The following GCNT2 variants were observed in gnomAD, a reference collection of about 807,000 sequenced individuals.
GCNT2 encodes the protein N-acetyllactosaminide beta-1,6-N-acetylglucosaminyl-transferase.
Under a neutral mutation model 34.2 loss-of-function variants are expected in GCNT2, and 34 were observed. That is an observed-to-expected ratio of 1.00 (90% CI 0.76 to 1.32). GCNT2 has a LOEUF of 1.32. Ranked by LOEUF, GCNT2 falls within the 40% of genes most tolerant of loss-of-function variation. The pLI is 0.00. For synonymous variants in GCNT2, 212 were observed against 188.0 expected (o/e 1.13, Z -1.04); for missense variants, 584 against 489.4 (o/e 1.19, Z -1.82).
At chr6:10,606,699 C>T (rs1011047273) in intron 3 of GCNT2, among the ~76,000 whole-genome samples, 6 of 54,646 alleles carry the variant, frequency 1.1e-4, no homozygotes, top group Non-Finnish European at 1.6e-4. Flanking sequence ...TTTTTAAAAT[C>T]GCCACCTGCC....
At chr6:10,523,989 A>C (rs1278911752) in intron 1 of GCNT2, among the ~76,000 whole-genome samples, 3 of 149,766 alleles carry the variant, frequency 2.0e-5, no homozygotes, top group Non-Finnish European at 3.0e-5. Context: ...AAAAAAAAAA[A>C]AAAACCAAGA....
intron 3 of GCNT2, among the ~76,000 whole-genome samples, chr6:10,569,275 C>CACACACA (rs1491437125): frequency 0.018 from 1,783 of 101,238 alleles, 120 homozygotes; most frequent in Non-Finnish European, 0.027. Context: ...ACACACACAC[C>CACACACA]CCCTAGGTAA....
intron 3 of GCNT2, among the ~76,000 whole-genome samples, chr6:10,596,372 G>A (rs1008497074): frequency 7.2e-5 from 11 of 151,996 alleles, no homozygotes; most frequent in African/African-American, 2.7e-4. Context: ...AATACAAAAA[G>A]TAGCCAGGCG....
intron 3 of GCNT2, among the ~76,000 whole-genome samples, chr6:10,614,033 A>G (rs1021420884): frequency 1.3e-5 from 2 of 152,194 alleles, no homozygotes; most frequent in African/African-American, 4.8e-5. Context: ...GAGTGATGGG[A>G]CTGGTAGCTT....
Position 10,590,409 on chromosome 6 carries a change from A to C in GCNT2, c.926-30942A>C, listed in dbSNP as rs1193261135. Among the ~76,000 whole-genome samples, 4 of 151,658 alleles carry C rather than the reference A, an allele frequency of 2.6e-5. 1 individual carries two copies. Among genetic ancestry groups the C allele is most frequent in the African/African-American group, 4.8e-5 (2 of 41,238 alleles). ...TGAGACTCTGTCTCAAAAAAAAAAA[A>C]AAAATGCTAGGCTTAAGCTCTTCAT... On this transcript the variant is annotated intron_variant, in intron 3 of 4. Transcript: ENST00000495262.
Position 10,562,822 on chromosome 6 carries a change from C to T in GCNT2, c.925+32986C>T, listed in dbSNP as rs546196223. Among the ~76,000 whole-genome samples, 25 of 152,134 alleles carry T rather than the reference C, an allele frequency of 1.6e-4. No homozygotes were observed. In the South Asian group the frequency reaches 3.7e-3, roughly 23 times the overall value. ...TGGTGGAGGAGGCTGCTCAGGGTGA[C>T]GCTGGGCAGAGCAAAGCACAGGCCC... On this transcript the variant is annotated intron_variant, in intron 3 of 4. Coordinates refer to ENST00000495262, the MANE Select transcript of GCNT2 (RefSeq NM_145649.5).
At chr6:10,541,739 A>C (rs779521194) in intron 3 of GCNT2, among the ~76,000 whole-genome samples, 13 of 152,172 alleles carry the variant, frequency 8.5e-5, no homozygotes, top group Non-Finnish European at 1.8e-4. Context: ...AGGGAATTCA[A>C]ACAGACCTCT....
rs778986475 is a variant in GCNT2, at chr6:10,585,980, AGTG to A, written c.926-35370_926-35368del. 1.9e-5 allele frequency: 30 copies of A among 1,613,758 alleles called. No homozygotes were observed. The East Asian group carries it at 6.5e-4, about 35-fold the overall frequency. The stretch of plus-strand genomic sequence containing the variant: ...AAAGAAGAGATTGTTTCCCCAGGGA[AGTG>A]AAAATAATGAACTTTTGGAGGTACT... On this transcript the variant is annotated intron_variant, in intron 3 of 4. Transcript: ENST00000495262.
At chr6:10,625,975 G>A (rs1581500085) in intron 4 of GCNT2, among the ~76,000 whole-genome samples, 1 of 152,114 alleles carries the variant, frequency 6.6e-6, no homozygotes, top group Admixed American at 6.6e-5. Flanking sequence ...AAAGATATAT[G>A]CTCTCTTTCT....
intron 3 of GCNT2, chr6:10,557,269 T>G (rs1371788999): frequency 6.2e-7 from 1 of 1,612,356 alleles, no homozygotes; most frequent in South Asian, 1.1e-5. Flanking sequence ...CACGGGCTGT[T>G]GATTTGCTCC....
At chr6:10,544,422 G>A (rs1191410087) in intron 3 of GCNT2, among the ~76,000 whole-genome samples, 1 of 151,540 alleles carries the variant, frequency 6.6e-6, no homozygotes, top group Non-Finnish European at 1.5e-5. Context: ...GGCTAACTTG[G>A]TGAAACCCCA....
At chr6:10,536,126 C>T (rs76764942) in intron 3 of GCNT2, among the ~76,000 whole-genome samples, 2 of 152,034 alleles carry the variant, frequency 1.3e-5, no homozygotes, top group Admixed American at 6.6e-5. Flanking sequence ...AGGGCAGATC[C>T]GAATCAAGGT....
intron 3 of GCNT2, among the ~76,000 whole-genome samples, chr6:10,616,521 C>T (rs1239326465): frequency 6.6e-6 from 1 of 152,100 alleles, no homozygotes; most frequent in Non-Finnish European, 1.5e-5. Flanking sequence ...CACAAAAGTT[C>T]TCCACCTCCC....
Position 10,624,520 on chromosome 6 carries a change from AC to A in GCNT2, c.1019-1896del, listed in dbSNP as rs1465256329. The stretch of plus-strand genomic sequence containing the variant: ...TCTCCCACTGCATCCCTCCCACAAC[AC>A]ATGGGAATTATGGGAGCTGCAATTC... On this transcript the variant is annotated intron_variant, in intron 4 of 4. Coordinates refer to ENST00000495262, the MANE Select transcript of GCNT2 (RefSeq NM_145649.5). 5.9e-5 allele frequency among the ~76,000 whole-genome samples: 9 copies of A among 152,234 alleles called. No homozygotes were observed. In the South Asian group the frequency reaches 1.7e-3, roughly 28 times the overall value.
At chr6:10,604,247 T>G (rs1765215793) in intron 3 of GCNT2, among the ~76,000 whole-genome samples, 1 of 152,180 alleles carries the variant, frequency 6.6e-6, no homozygotes. Flanking sequence ...CATAATGTGT[T>G]TTTTTATTTG....
intron 3 of GCNT2, among the ~76,000 whole-genome samples, chr6:10,589,381 G>T (rs1176260147): frequency 2.8e-5 from 4 of 143,586 alleles, no homozygotes; most frequent in African/African-American, 1.0e-4. Flanking sequence ...TTGTAGTGTG[G>T]TGTGTGTTTG....
chr6:10,601,055 G>A (rs975574059), intron 3 of GCNT2, among the ~76,000 whole-genome samples: 10 of 152,146 alleles, frequency 6.6e-5, no homozygotes, highest in African/African-American at 2.4e-4. Context: ...GCCTCCCTAA[G>A]TGCTGGGATT....
At chr6:10,562,838 G>A (rs1763065765) in intron 3 of GCNT2, among the ~76,000 whole-genome samples, 1 of 152,080 alleles carries the variant, frequency 6.6e-6, no homozygotes, top group South Asian at 2.1e-4. Context: ...GCAGAGCAAA[G>A]CACAGGCCCA....
At chr6:10,617,240 C>A (rs1444407863) in intron 3 of GCNT2, among the ~76,000 whole-genome samples, 1 of 152,230 alleles carries the variant, frequency 6.6e-6, no homozygotes, top group Non-Finnish European at 1.5e-5. Flanking sequence ...AGAAATCCAG[C>A]ACAGCAGCTG....
Sources: gnomAD v4.1 joint callset for allele counts (sites outside exome capture counted in the v4.1 genomes callset) on GRCh38, gnomAD v4.1.1 for gene constraint, MANE v1.5 for transcripts, NCBI Gene and HGNC (gene_info 2026-07-23, HGNC 2026-07-21) for gene names.